Variants in FBXL12 observed in about 807,000 individuals in gnomAD.
The protein encoded by FBXL12 is F-box/LRR-repeat protein 12.
FBXL12 carries 22 observed loss-of-function variants against 24.9 expected under a neutral mutation model. That is an observed-to-expected ratio of 0.88 (90% CI 0.63 to 1.26). The LOEUF (loss-of-function observed/expected upper bound fraction) is 1.26. Among genes scored for constraint, FBXL12 ranks in the 50% most tolerant of loss-of-function variants. FBXL12 has a pLI of 0.00. For synonymous variants in FBXL12, 193 were observed against 193.8 expected (o/e 1.00, Z 0.03); for missense variants, 384 against 434.1 (o/e 0.88, Z 1.03).
chr19:9,815,301 G>A (rs2045855733), intron 2 of FBXL12, among the ~76,000 whole-genome samples: 1 of 152,218 alleles, frequency 6.6e-6, no homozygotes, highest in African/African-American at 2.4e-5. Flanking sequence ...CAAGAGGTGG[G>A]TTCCCATGGT....
At chr19:9,818,482 G>A (rs1339606180) in intron 2 of FBXL12, 63 bp downstream of exon 2, 1 of 1,496,664 alleles carries the variant, frequency 6.7e-7, no homozygotes, top group Non-Finnish European at 9.0e-7. Flanking sequence ...GGGTGGGAGA[G>A]GTGGTCTTCG....
In FBXL12 at chr19:9,818,976, C is replaced by G. The variant is rs2045945574; in HGVS notation, c.-163G>C. 4.5e-6 allele frequency: 3 copies of G among 668,234 alleles called. No individual in the cohort carries two copies. Among genetic ancestry groups the G allele is most frequent in the Non-Finnish European group, 7.7e-6 (3 of 390,238 alleles). The allele number at this position is 668,234 out of a possible 1,614,324, so 41.4% of individuals were successfully genotyped here. ...GATTCGGTCCCAGGGCCGGACCAGC[C>G]GCGGATGGGGACCAGAAACCAGCCT... is the stretch of plus-strand genomic sequence containing the variant. On this transcript the variant is annotated 5_prime_UTR_variant, in exon 1 of 3. Transcript: ENST00000247977.
chr19:9,814,930 C>T (rs1175253448), intron 2 of FBXL12, among the ~76,000 whole-genome samples: 1 of 141,884 alleles, frequency 7.0e-6, no homozygotes, highest in Non-Finnish European at 1.5e-5. Flanking sequence ...TATCATTCCA[C>T]CCCGGCCCCT....
Position 9,811,189 on chromosome 19 carries a change from C to T in FBXL12, c.688G>A (p.Val230Met), listed in dbSNP as rs2045738865. Residue 230 changes from valine (V) to methionine (M), a missense_variant, in exon 3 of 3, where the codon GTG becomes ATG. Transcript: ENST00000247977. This position sits in a 1 kb window ranked among gnomAD's most constrained non-coding sequence, Gnocchi z 6.0. ...LLAISRHLRD[V>M]RKIRLTVRGL... ...CTCACGGTCAGCCGGATCTTGCGCA[C>T]ATCTCGGAGGTGGCGGCTGATGGCC... is the stretch of plus-strand genomic sequence containing the variant. 1 of 1,612,322 alleles carries T rather than the reference C, an allele frequency of 6.2e-7. No homozygotes were observed.
At chr19:9,815,968 T>G (rs979266585) in intron 2 of FBXL12, among the ~76,000 whole-genome samples, 3 of 152,186 alleles carry the variant, frequency 2.0e-5, no homozygotes, top group Non-Finnish European at 2.9e-5. Flanking sequence ...AGTTCTTGGC[T>G]TCTGTGCACC....
chr19:9,815,495 T>C (rs991989196), intron 2 of FBXL12, among the ~76,000 whole-genome samples: 14 of 152,142 alleles, frequency 9.2e-5, no homozygotes, highest in African/African-American at 2.4e-4. Flanking sequence ...AGTGACCCAA[T>C]AGGGACTCTG....
chr19:9,812,530 CAAAAAAA>C (rs374538314), intron 2 of FBXL12, among the ~76,000 whole-genome samples: 4 of 32,558 alleles, frequency 1.2e-4, no homozygotes, highest in Non-Finnish European at 1.3e-4. Context: ...GACTCTGTCT[CAAAAAAA>C]AAAAAAAAAA....
intron 2 of FBXL12, 119 bp downstream of exon 2, chr19:9,818,426 T>A: frequency 9.2e-7 from 1 of 1,085,528 alleles, no homozygotes; most frequent in Non-Finnish European, 1.3e-6. Flanking sequence ...AGGCCCCGGA[T>A]CGCCTGGCTC....
At position 9,818,707 on chromosome 19, in the gene FBXL12, C is replaced by A. The variant is rs545599741; in HGVS notation, c.86+21G>T. On this transcript the variant is annotated intron_variant, in intron 1 of 2. Transcript: ENST00000247977. ...AGCTGCGCCCTCCGCCCTGCCCTTC[C>A]CCCCGGAGGCGGGGCCGCACCTGGA... is the stretch of plus-strand genomic sequence containing the variant. 4 of 1,543,612 alleles carry A rather than the reference C, an allele frequency of 2.6e-6. No individual in the cohort carries two copies. In the African/African-American group the frequency reaches 5.5e-5, roughly 21 times the overall value.
chr19:9,815,158 A>T (rs2045852834), intron 2 of FBXL12, among the ~76,000 whole-genome samples: 2 of 152,208 alleles, frequency 1.3e-5, no homozygotes, highest in Admixed American at 1.3e-4. Context: ...CAGCCATTCC[A>T]AATGGGAGAA....
intron 2 of FBXL12, among the ~76,000 whole-genome samples, chr19:9,816,453 T>C (rs2045885994): frequency 6.6e-6 from 1 of 152,142 alleles, no homozygotes; most frequent in South Asian, 2.1e-4. Flanking sequence ...CCCTAAAACA[T>C]CTTTCTCAAG....
intron 2 of FBXL12, among the ~76,000 whole-genome samples, chr19:9,816,994 T>A (rs2045900383): frequency 6.6e-6 from 1 of 152,150 alleles, no homozygotes; most frequent in Non-Finnish European, 1.5e-5. Flanking sequence ...ACCCATCAGA[T>A]CTTGTGAGAC....
chr19:9,818,094 T>G, intron 2 of FBXL12: 2 of 384,060 alleles, frequency 5.2e-6, no homozygotes, highest in Non-Finnish European at 9.2e-6. Flanking sequence ...CGCCCGTGGT[T>G]CCAGCTACTC....
At chr19:9,812,932 G>T (rs894132071) in intron 2 of FBXL12, among the ~76,000 whole-genome samples, 1 of 152,080 alleles carries the variant, frequency 6.6e-6, no homozygotes, top group Non-Finnish European at 1.5e-5. Context: ...AATTAGCCAG[G>T]TGTGGTGGTG....
intron 2 of FBXL12, chr19:9,813,346 C>T (rs1357660201): frequency 3.0e-6 from 3 of 1,001,914 alleles, no homozygotes; most frequent in African/African-American, 1.7e-5. Context: ...CTTTTCTTTT[C>T]TTTTTTTTTG....
At position 9,811,481 on chromosome 19, in the gene FBXL12, G is replaced by A. The variant is rs151187593; in HGVS notation, c.396C>T (p.His132=). The A allele has an allele frequency of 8.3e-5, 134 of 1,613,874 alleles. No homozygotes were observed. The African/African-American group carries it at 1.7e-3, about 20-fold the overall frequency. The change falls in exon 3 of 3, where the codon CAC becomes CAT. Residue 132 remains histidine, a synonymous_variant. Coordinates refer to ENST00000247977, the MANE Select transcript of FBXL12 (RefSeq NM_017703.3). The surrounding 1 kb of genome is among the most constrained non-coding windows in gnomAD (Gnocchi z 6.0). ...LPSTLRTLEL[H]SCEISMAWLH... ...GCCAGGCCATGGAGATCTCGCAGCT[G>A]TGCAGCTCCAGGGTCCTCAAGGTGC...
chr19:9,810,979 C>A lies in FBXL12; in HGVS notation c.898G>T (p.Glu300Ter). ...QGLGWEGQEA[E>*]KILCKGLPHC... ...GGCAGCCCCTTACACAGGATCTTCT[C>A]CGCCTCCTGACCCTCCCACCCCAGC... Residue 300 changes from glutamate to a stop codon, truncating the protein, a stop_gained, in exon 3 of 3, where the codon GAG becomes TAG. Transcript: ENST00000247977. LOFTEE classifies it high-confidence loss of function. 1 of 1,613,450 alleles carries A rather than the reference C, an allele frequency of 6.2e-7. No individual in the cohort carries two copies.
intron 2 of FBXL12, among the ~76,000 whole-genome samples, chr19:9,815,171 T>C (rs2045853231): frequency 6.6e-6 from 1 of 152,172 alleles, no homozygotes; most frequent in African/African-American, 2.4e-5. Context: ...TGGGAGAAAT[T>C]GGCCAAAACA....
At chr19:9,818,011 C>G in intron 2 of FBXL12, 1 of 229,522 alleles carries the variant, frequency 4.4e-6, no homozygotes, top group Non-Finnish European at 8.4e-6. Flanking sequence ...CCCAGGAGTT[C>G]GAGACCAGCC....
Sources: allele counts gnomAD v4.1 joint callset (sites outside exome capture counted in the v4.1 genomes callset), GRCh38; gene constraint gnomAD v4.1.1; non-coding constraint Gnocchi (gnomAD v3.1); transcripts MANE v1.5; gene names NCBI Gene and HGNC (gene_info 2026-07-23, HGNC 2026-07-21).